ATAD3B: variants seen among roughly 807,000 people sequenced by gnomAD.
The protein encoded by ATAD3B is ATPase family AAA domain containing 3B, also known as ATPase family AAA domain-containing protein 3B.
A neutral mutation model predicts 70.2 loss-of-function variants in ATAD3B; 59 were observed. The observed-to-expected ratio is 0.84, with a 90% CI of 0.68 to 1.04. ATAD3B has a LOEUF of 1.04. Ranked by LOEUF, ATAD3B falls within the 50% of genes least tolerant of loss-of-function variation. The pLI is 0.00. For synonymous variants in ATAD3B, 423 were observed against 388.6 expected (o/e 1.09, Z -1.04); for missense variants, 961 against 913.4 (o/e 1.05, Z -0.67).
chr1:1,502,664 G>T (rs984441637), downstream of ATAD3B, among the ~76,000 whole-genome samples: 2 of 150,796 alleles, frequency 1.3e-5, no homozygotes, highest in African/African-American at 4.9e-5. Flanking sequence ...GGCACAGGCC[G>T]ACATGCCCGG....
rs559049688 is a variant in ATAD3B, at chr1:1,495,150, C to T, written c.1615-335C>T. Among the ~76,000 whole-genome samples the T allele has an allele frequency of 4.7e-3, 708 of 152,168 alleles. 9 individuals carry two copies. Among genetic ancestry groups the T allele is most frequent in the African/African-American group, 0.016 (680 of 41,548 alleles). On this transcript the variant is annotated intron_variant, in intron 15 of 15. Coordinates refer to ENST00000673477, the MANE Select transcript of ATAD3B (RefSeq NM_031921.6). ...ATGACCCGGGGGCACTGCCTGGCCA[C>T]GGCTGAGACTCGCAGAGGGTCTGCA... is the stretch of plus-strand genomic sequence containing the variant.
intron 12 of ATAD3B, among the ~76,000 whole-genome samples, chr1:1,488,404 C>T (rs1341628803): frequency 6.6e-6 from 1 of 151,834 alleles, no homozygotes; most frequent in Admixed American, 6.6e-5. Flanking sequence ...TTTTTTGTAA[C>T]GTTAGTAGAG....
intron 4 of ATAD3B, 102 bp from the exon 5 acceptor site, chr1:1,480,765 G>C: frequency 1.3e-6 from 2 of 1,558,024 alleles, no homozygotes; most frequent in Non-Finnish European, 1.7e-6. Flanking sequence ...TGCCCAGGAC[G>C]CTTGGAGTTC....
At chr1:1,485,946 C>T (rs950056286) in intron 9 of ATAD3B, 108 bp downstream of exon 9, 1 of 1,598,862 alleles carries the variant, frequency 6.3e-7, no homozygotes, top group Non-Finnish European at 8.5e-7. Flanking sequence ...GCTTTTGGGT[C>T]CTGAGATGCA....
chr1:1,479,794 C>T (rs879421362), intron 4 of ATAD3B, among the ~76,000 whole-genome samples: 1 of 144,378 alleles, frequency 6.9e-6, no homozygotes, highest in Non-Finnish European at 1.5e-5. Flanking sequence ...CCCCCGCACA[C>T]GTGGGCCCGC....
At chr1:1,473,991 T>C (rs1639463473) in intron 1 of ATAD3B, among the ~76,000 whole-genome samples, 1 of 151,850 alleles carries the variant, frequency 6.6e-6, no homozygotes, top group Non-Finnish European at 1.5e-5. Flanking sequence ...CAGAGGGACA[T>C]TCAGGTTTGG....
At chr1:1,506,661 C>T in the ATAD3B span, among the ~76,000 whole-genome samples, 1 of 152,074 alleles carries the variant, frequency 6.6e-6, no homozygotes, top group Non-Finnish European at 1.5e-5. Flanking sequence ...TCATAATTTC[C>T]CTTTCAGATT....
At position 1,477,175 on chromosome 1, in the gene ATAD3B, G is replaced by A. The variant is rs1349362480; in HGVS notation, c.206-99G>A. 3.5e-5 allele frequency: 52 copies of A among 1,487,860 alleles called. 1 individual carries two copies. The South Asian group carries it at 5.4e-4, about 15-fold the overall frequency. The allele number at this position is 1,487,860 out of a possible 1,614,324, so 92.2% of individuals were successfully genotyped here. ...AGGCGTGAACCACCGCTTCCCACTA[G>A]GTTTTTGTATTTTTAGTAGAGGTTG... On this transcript the variant is annotated intron_variant, in intron 1 of 15. Coordinates refer to ENST00000673477, the MANE Select transcript of ATAD3B (RefSeq NM_031921.6).
At chr1:1,503,057 T>G in the ATAD3B span, among the ~76,000 whole-genome samples, 2 of 150,942 alleles carry the variant, frequency 1.3e-5, no homozygotes, top group Non-Finnish European at 3.0e-5. Flanking sequence ...ACCCTGTCTC[T>G]ACTAAAAATA....
At position 1,480,916 on chromosome 1, in the gene ATAD3B, A is replaced by C; in HGVS notation, c.494A>C (p.Lys165Thr). The C allele has an allele frequency of 3.1e-6, 5 of 1,593,156 alleles. No individual in the cohort carries two copies. The South Asian group carries it at 4.5e-5, about 14-fold the overall frequency. ...NLRKQEESVQKQEAMRRATVE... is the reference protein window; with the variant it reads ...NLRKQEESVQTQEAMRRATVE... The stretch of plus-strand genomic sequence containing the variant: ...CGGAAGCAGGAGGAGTCCGTGCAGA[A>C]GCAGGAAGCCATGCGGCGAGGTAGG... Residue 165 changes from lysine (K) to threonine (T), a missense_variant, in exon 5 of 16, where the codon AAG becomes ACG. Physicochemically the swap from Lys to Thr is moderately conservative, Grantham distance 78. Transcript: ENST00000673477.
intron 15 of ATAD3B, among the ~76,000 whole-genome samples, chr1:1,492,341 C>G (rs1440128201): frequency 1.3e-5 from 2 of 151,244 alleles, no homozygotes; most frequent in South Asian, 2.1e-4. Context: ...CGAAAATTAG[C>G]TGGGTGTGGT....
chr1:1,508,051 T>C, the ATAD3B span, among the ~76,000 whole-genome samples: 2 of 152,220 alleles, frequency 1.3e-5, no homozygotes, highest in Non-Finnish European at 2.9e-5. Context: ...AGCATCTGCG[T>C]AGCCCCTTTC....
chr1:1,486,434 G>A (rs1640220670), intron 10 of ATAD3B, 110 bp from the exon 11 acceptor site: 1 of 1,607,004 alleles, frequency 6.2e-7, no homozygotes, highest in Non-Finnish European at 8.5e-7. Flanking sequence ...GCAGGCTGTG[G>A]CTTCCAGACA....
At chr1:1,506,874 G>A in the ATAD3B span, among the ~76,000 whole-genome samples, 1 of 147,784 alleles carries the variant, frequency 6.8e-6, no homozygotes, top group Admixed American at 6.9e-5. Flanking sequence ...TGCAAGCTCC[G>A]CCTCTTGGGT....
At chr1:1,506,656 A>T in the ATAD3B span, among the ~76,000 whole-genome samples, 2 of 151,780 alleles carry the variant, frequency 1.3e-5, no homozygotes, top group Non-Finnish European at 2.9e-5. Context: ...TGGTTTCATA[A>T]TTTCCCTTTC....
chr1:1,493,574 C>T (rs1367980050), intron 15 of ATAD3B, among the ~76,000 whole-genome samples: 1 of 151,836 alleles, frequency 6.6e-6, no homozygotes, highest in Non-Finnish European at 1.5e-5. Flanking sequence ...ACCTCAGCCT[C>T]CCAAAGTGCT....
chr1:1,494,828 C>T (rs1557432947), intron 15 of ATAD3B, among the ~76,000 whole-genome samples: 1 of 151,994 alleles, frequency 6.6e-6, no homozygotes, highest in Non-Finnish European at 1.5e-5. Context: ...AGTGGGGGTC[C>T]CCACACCCTC....
At chr1:1,479,193 G>T (rs964392526) in intron 4 of ATAD3B, 85 bp downstream of exon 4, 2 of 1,405,278 alleles carry the variant, frequency 1.4e-6, no homozygotes, top group South Asian at 2.6e-5. Context: ...CAGAGGCCAC[G>T]GGGCAAGAAC....
Position 1,485,051 on chromosome 1 carries a change from C to T in ATAD3B, c.786C>T (p.Tyr262=), listed in dbSNP as rs1640128195. 9 of 1,605,570 alleles carry T rather than the reference C, an allele frequency of 5.6e-6. No homozygotes were observed. The highest frequency in any genetic ancestry group is 1.1e-5 in the South Asian group (1 of 90,092). ...TGACGCTGCTGGCTGTCGGGGTCTACTCAGCCAAGAATGCGACAGCCGTCA... is the reference window on the plus strand; with the variant it reads ...TGACGCTGCTGGCTGTCGGGGTCTATTCAGCCAAGAATGCGACAGCCGTCA... ...AGLTLLAVGV[Y]SAKNATAVTG... Residue 262 remains tyrosine, a synonymous_variant, in exon 8 of 16, where the codon TAC becomes TAT. Transcript: ENST00000673477.
Sources: allele counts gnomAD v4.1 joint callset (sites outside exome capture counted in the v4.1 genomes callset), GRCh38; gene constraint gnomAD v4.1.1; transcripts MANE v1.5; gene names NCBI Gene and HGNC (gene_info 2026-07-23, HGNC 2026-07-21).